Variants in RFTN2 observed in about 807,000 individuals in gnomAD.
RFTN2 encodes raftlin family member 2.
A neutral mutation model predicts 52.7 loss-of-function variants in RFTN2; 34 were observed. The observed-to-expected ratio is 0.64, with a 90% CI of 0.49 to 0.86. The LOEUF (loss-of-function observed/expected upper bound fraction) is 0.86, where lower values mean the gene tolerates loss of function less well. Ranked by LOEUF, RFTN2 falls within the 40% of genes least tolerant of loss-of-function variation. The pLI is 0.00. For synonymous variants in RFTN2, 203 were observed against 217.7 expected, an observed-to-expected ratio of 0.93 and a Z score of 0.59; for missense variants, 536 against 600.1, an observed-to-expected ratio of 0.89 and a Z score of 1.12.
chr2:197,639,804 AG>A (rs1300060130), intron 3 of RFTN2, among the ~76,000 whole-genome samples: 6 of 141,914 alleles, frequency 4.2e-5, no homozygotes, highest in Non-Finnish European at 9.2e-5. Flanking sequence ...CCTTTGGAGG[AG>A]GAGAGGCGCT....
At chr2:197,656,300 C>A (rs2088893569) in intron 1 of RFTN2, among the ~76,000 whole-genome samples, 1 of 152,158 alleles carries the variant, frequency 6.6e-6, no homozygotes, top group Non-Finnish European at 1.5e-5. Context: ...TAATGAGGTC[C>A]TCTTATGTAG....
chr2:197,661,345 C>G (rs930614142), intron 1 of RFTN2, among the ~76,000 whole-genome samples: 2 of 151,992 alleles, frequency 1.3e-5, no homozygotes, highest in Non-Finnish European at 2.9e-5. Context: ...ATCCTTCCAC[C>G]TCAGCTTCCA....
intron 8 of RFTN2, among the ~76,000 whole-genome samples, chr2:197,588,446 C>G (rs1198679737): frequency 2.0e-4 from 31 of 152,214 alleles, no homozygotes; most frequent in Non-Finnish European, 4.4e-5. Flanking sequence ...AACTCCTGGC[C>G]TCATGGCCAG....
At chr2:197,637,899 C>G (rs1177453760) in intron 3 of RFTN2, among the ~76,000 whole-genome samples, 1 of 151,942 alleles carries the variant, frequency 6.6e-6, no homozygotes, top group Admixed American at 6.6e-5. Context: ...TCCCTCTACA[C>G]ACTGCTTTGA....
chr2:197,644,096 TGATGAA>T (rs1234642428), intron 3 of RFTN2, 56 bp downstream of exon 3: 1 of 941,392 alleles, frequency 1.1e-6, no homozygotes, highest in East Asian at 2.4e-5. Context: ...AAAAGGGAAT[TGATGAA>T]GATGAAATAC....
At chr2:197,597,560 C>T (rs940480459) in intron 7 of RFTN2, among the ~76,000 whole-genome samples, 4 of 151,798 alleles carry the variant, frequency 2.6e-5, no homozygotes, top group Non-Finnish European at 4.4e-5. Flanking sequence ...GCTTTTGTTG[C>T]CCAGGCTGAA....
intron 8 of RFTN2, among the ~76,000 whole-genome samples, chr2:197,576,785 GT>G (rs2087427190): frequency 6.6e-6 from 1 of 152,194 alleles, no homozygotes; most frequent in Non-Finnish European, 1.5e-5. Flanking sequence ...ATAGAAAGGA[GT>G]TTATTGGCAG....
intron 1 of RFTN2, among the ~76,000 whole-genome samples, chr2:197,674,359 AAAAAG>A (rs1254292656): frequency 1.3e-5 from 2 of 149,908 alleles, no homozygotes; most frequent in African/African-American, 4.9e-5. Context: ...AAAAAAAAAA[AAAAAG>A]AAAAGAATGT....
intron 3 of RFTN2, among the ~76,000 whole-genome samples, chr2:197,641,765 AAAT>A (rs1488611594): frequency 1.3e-5 from 2 of 152,240 alleles, no homozygotes; most frequent in East Asian, 1.9e-4. Context: ...AGCCGCTCAA[AAAT>A]AATATTTGGC....
intron 7 of RFTN2, among the ~76,000 whole-genome samples, chr2:197,599,706 C>T (rs984607915): frequency 2.6e-5 from 4 of 152,094 alleles, no homozygotes; most frequent in Non-Finnish European, 5.9e-5. Context: ...ACACAGTATG[C>T]AGAGAGGTGA....
At position 197,571,873 on chromosome 2, in the gene RFTN2, C is replaced by T; in HGVS notation, c.*135G>A. 1.2e-6 allele frequency: 1 copy of T among 814,782 alleles called. No homozygotes were observed. 50.5% of individuals were successfully genotyped at this position (814,782 alleles called of 1,614,324 possible). A position where few individuals can be genotyped will look rare whatever the true frequency, so the allele number is the denominator to read the frequency against. On this transcript the variant is annotated 3_prime_UTR_variant, in exon 9 of 9. Transcript: ENST00000295049. Reference sequence around the variant, plus strand: ...GTCTGGGAGGTTGTGCCAAAGTTTACATAGATTAGAGGAAAGGCTGGGTCT... The same window carrying T: ...GTCTGGGAGGTTGTGCCAAAGTTTATATAGATTAGAGGAAAGGCTGGGTCT...
chr2:197,598,744 T>C (rs572123900), intron 7 of RFTN2, among the ~76,000 whole-genome samples: 1 of 152,124 alleles, frequency 6.6e-6, no homozygotes, highest in South Asian at 2.1e-4. Context: ...GCACAGTAAA[T>C]TTGGGAACCA....
At chr2:197,634,045 A>T (rs907810464) in intron 3 of RFTN2, 48 bp from the exon 4 acceptor site, 1 of 1,484,124 alleles carries the variant, frequency 6.7e-7, no homozygotes, top group Non-Finnish European at 9.2e-7. Flanking sequence ...CTCTATTTTC[A>T]TTGATTACTT....
intron 2 of RFTN2, among the ~76,000 whole-genome samples, chr2:197,644,540 TATAAGAA>T (rs1223573298): frequency 2.0e-5 from 3 of 152,254 alleles, no homozygotes; most frequent in African/African-American, 7.2e-5. Context: ...TTAATAAACT[TATAAGAA>T]ATAATTTTAG....
rs771591000 is a variant in RFTN2 at position 197,617,873 on chromosome 2, T to C, written c.977A>G (p.Glu326Gly). 12 of 1,609,314 alleles carry C rather than the reference T, an allele frequency of 7.5e-6. No homozygotes were observed. Among genetic ancestry groups the C allele is most frequent in the East Asian group, 6.7e-5 (3 of 44,694 alleles). ...SLEGFFIYEE[E>G]GSGVPGSSRK... ...ACTAGAACCTGGAACTCCAGAACCTTCTTCTTCATAGATAAAAAATCCTTC... is the reference window on the plus strand; with the variant it reads ...ACTAGAACCTGGAACTCCAGAACCTCCTTCTTCATAGATAAAAAATCCTTC... Residue 326 changes from glutamate (E) to glycine (G), a missense_variant, in exon 6 of 9, where the codon GAA becomes GGA. Glu to Gly is a moderately conservative substitution (Grantham distance 98). Transcript: ENST00000295049.
chr2:197,606,896 T>C (rs2087970552), intron 7 of RFTN2, among the ~76,000 whole-genome samples: 1 of 152,174 alleles, frequency 6.6e-6, no homozygotes, highest in Non-Finnish European at 1.5e-5. Context: ...TGTAAACTAG[T>C]TCAGCCATTG....
At chr2:197,598,838 C>T (rs1257558848) in intron 7 of RFTN2, among the ~76,000 whole-genome samples, 1 of 152,146 alleles carries the variant, frequency 6.6e-6, no homozygotes, top group Non-Finnish European at 1.5e-5. Context: ...CAAAGGCATT[C>T]ACTGTTTTCC....
chr2:197,668,973 C>T (rs183146119), intron 1 of RFTN2, among the ~76,000 whole-genome samples: 1 of 152,318 alleles, frequency 6.6e-6, no homozygotes, highest in East Asian at 1.9e-4. Context: ...TCTCAGGCCT[C>T]AGCTGATCCC....
chr2:197,618,775 G>A (rs1372393694), intron 5 of RFTN2, among the ~76,000 whole-genome samples: 4 of 150,832 alleles, frequency 2.7e-5, no homozygotes, highest in Admixed American at 6.6e-5. Context: ...CTGCCCGGAC[G>A]CCCCGTCTGA....
Sources: gnomAD v4.1 joint callset for allele counts (sites outside exome capture counted in the v4.1 genomes callset) on GRCh38, gnomAD v4.1.1 for gene constraint, MANE v1.5 for transcripts, NCBI Gene and HGNC (gene_info 2026-07-23, HGNC 2026-07-21) for gene names.